The following KANK4 variants were observed in gnomAD, a reference collection of about 807,000 sequenced individuals.
The protein encoded by KANK4 is KN motif and ankyrin repeat domain-containing protein 4.
A neutral mutation model predicts 80.8 loss-of-function variants in KANK4; 50 were observed. That is an observed-to-expected ratio of 0.62 (90% confidence interval 0.49 to 0.78). The LOEUF is 0.78. Ranked by LOEUF, KANK4 falls within the 30% of genes least tolerant of loss-of-function variation. The probability of loss-of-function intolerance (pLI) is 0.00; values close to 1 mark genes in which losing one functional copy is unlikely to be tolerated. For missense variants in KANK4, 1,196 were observed against 1,240.1 expected (o/e 0.96, Z 0.53); for synonymous variants, 465 against 506.9 (o/e 0.92, Z 1.11).
In KANK4 at chr1:62,258,990, AG is replaced by A. The variant is rs1334702049; in HGVS notation, c.2539+4101del. Among the ~76,000 whole-genome samples the A allele has an allele frequency of 2.6e-5, 4 of 152,136 alleles. No homozygotes were observed. In the East Asian group the frequency reaches 7.8e-4, roughly 30 times the overall value. ...AGTGAGGCCAGCGTGGCTGGAGTGGAGGGAAGGAGGAGAGCGTGGTGGCAGC... is the reference window on the plus strand; with the variant it reads ...AGTGAGGCCAGCGTGGCTGGAGTGGAGGAAGGAGGAGAGCGTGGTGGCAGC... On this transcript the variant is annotated intron_variant, in intron 7 of 9. Transcript: ENST00000371153.
chr1:62,241,876 C>T (rs533773542), intron 9 of KANK4, among the ~76,000 whole-genome samples: 19 of 152,306 alleles, frequency 1.2e-4, no homozygotes, highest in African/African-American at 4.6e-4. Flanking sequence ...GCCACAGGGC[C>T]AGTCCCAGGG....
At chr1:62,302,562 G>T (rs993121609) in intron 1 of KANK4, among the ~76,000 whole-genome samples, 15 of 152,124 alleles carry the variant, frequency 9.9e-5, no homozygotes, top group Admixed American at 2.0e-4. Context: ...AGGAGATAGG[G>T]ATTTGGGCAG....
intron 8 of KANK4, among the ~76,000 whole-genome samples, chr1:62,248,317 G>A (rs1257754506): frequency 6.6e-6 from 1 of 152,172 alleles, no homozygotes; most frequent in East Asian, 1.9e-4. Context: ...TAGTTCTACT[G>A]TTTCCTAATG....
rs1172735863 is a variant in KANK4, at chr1:62,274,398, C to G, written c.706G>C (p.Glu236Gln). Residue 236 changes from glutamate (E) to glutamine (Q), a missense_variant, in exon 3 of 10, where the codon GAG becomes CAG. Transcript: ENST00000371153. Reference protein sequence around the residue: ...ELVQEGAEPPEGVVKVPNHLP... With the variant: ...ELVQEGAEPPQGVVKVPNHLP... ...TGATTTGGAACCTTCACCACACCCT[C>G]TGGAGGCTCAGCTCCCTCCTGGACC... 5 of 1,614,214 alleles carry G rather than the reference C, an allele frequency of 3.1e-6. No individual in the cohort carries two copies. Among genetic ancestry groups the G allele is most frequent in the South Asian group, 1.1e-5 (1 of 91,078 alleles).
chr1:62,317,011 GAAT>G (rs1157471031), intron 1 of KANK4, among the ~76,000 whole-genome samples: 1 of 152,204 alleles, frequency 6.6e-6, no homozygotes, highest in African/African-American at 2.4e-5. Flanking sequence ...GGGTGGGCAA[GAAT>G]AATATTTCAG....
chr1:62,272,034 TGCTCACA>T (rs1672175683), intron 3 of KANK4: 1 of 164,900 alleles, frequency 6.1e-6, no homozygotes, highest in Non-Finnish European at 1.3e-5. Context: ...GATGACACCG[TGCTCACA>T]GTAGATACAC....
At position 62,238,177 on chromosome 1, in the gene KANK4, A is replaced by C; in HGVS notation, c.*100T>G. ...TATTTGACATAGTTTCTTCTCTAGA[A>C]GGGTGGCTCTCTGGCCTGTGACCTC... is the stretch of plus-strand genomic sequence containing the variant. On this transcript the variant is annotated 3_prime_UTR_variant, in exon 10 of 10. Transcript: ENST00000371153. 1 of 715,224 alleles carries C rather than the reference A, an allele frequency of 1.4e-6. No homozygotes were observed. Among genetic ancestry groups the C allele is most frequent in the East Asian group, 2.6e-5 (1 of 38,928 alleles). 44.3% of individuals were successfully genotyped at this position (715,224 alleles called of 1,614,324 possible). A position where few individuals can be genotyped will look rare whatever the true frequency, so the allele number is the denominator to read the frequency against.
chr1:62,262,485 G>A (rs1295978113), intron 7 of KANK4, among the ~76,000 whole-genome samples: 1 of 152,114 alleles, frequency 6.6e-6, no homozygotes, highest in Admixed American at 6.5e-5. Flanking sequence ...GCATTTATAT[G>A]CTATCACAGC....
chr1:62,240,483 A>C (rs1671310175), intron 9 of KANK4, among the ~76,000 whole-genome samples: 1 of 152,156 alleles, frequency 6.6e-6, no homozygotes, highest in South Asian at 2.1e-4. Context: ...CAGCCTGCCC[A>C]ACATGGAGAA....
At chr1:62,317,584 G>T (rs947526180) in intron 1 of KANK4, among the ~76,000 whole-genome samples, 3 of 152,216 alleles carry the variant, frequency 2.0e-5, no homozygotes, top group Admixed American at 6.5e-5. Context: ...GCCAACAGAG[G>T]CTTTCAGTTC....
intron 1 of KANK4, among the ~76,000 whole-genome samples, chr1:62,296,309 C>T (rs926161349): frequency 6.6e-6 from 1 of 152,126 alleles, no homozygotes; most frequent in Non-Finnish European, 1.5e-5. Flanking sequence ...TGGTTCTTCA[C>T]TCCCTCACCT....
intron 1 of KANK4, among the ~76,000 whole-genome samples, chr1:62,303,119 G>A (rs1219235902): frequency 7.9e-5 from 12 of 152,072 alleles, no homozygotes; most frequent in Admixed American, 1.3e-4. Context: ...GGGAACTTAC[G>A]AAGTGTAGAT....
rs11449212 is a variant in KANK4 at position 62,236,593 on chromosome 1, A to ATTTTTT, written c.*1678_*1683dup. On this transcript the variant is annotated 3_prime_UTR_variant, in exon 10 of 10. Transcript: ENST00000371153. ...ATGGCCTTAATGGGTTACAAATTGG[A>ATTTTTT]TTTTTTTTTTTTTTTTTTTTGAGAC... 4.8e-5 allele frequency among the ~76,000 whole-genome samples: 6 copies of ATTTTTT among 124,394 alleles called. No homozygotes were observed. Among genetic ancestry groups the ATTTTTT allele is most frequent in the African/African-American group, 1.2e-4 (4 of 32,246 alleles). The allele number at this position is 124,394 out of a possible 152,430, so 81.6% of individuals were successfully genotyped here.
intron 2 of KANK4, among the ~76,000 whole-genome samples, chr1:62,280,253 C>T (rs1206660811): frequency 1.3e-5 from 2 of 152,174 alleles, no homozygotes; most frequent in African/African-American, 4.8e-5. Context: ...GAAGGCTTGT[C>T]CCTGTTCTGG....
Position 62,269,008 on chromosome 1 carries a change from T to C in KANK4, c.2013-503A>G, listed in dbSNP as rs141118727. 3.4e-3 allele frequency among the ~76,000 whole-genome samples: 511 copies of C among 152,342 alleles called. 1 individual carries two copies. Among genetic ancestry groups the C allele is most frequent in the African/African-American group, 0.012 (501 of 41,586 alleles). On this transcript the variant is annotated intron_variant, in intron 4 of 9. Coordinates refer to ENST00000371153, the MANE Select transcript of KANK4 (RefSeq NM_181712.5). ...TCCCTTCAGACTGCTCCAGCCCAGC[T>C]TGCACTTGGCAAGGCATGAACTCCT...
At chr1:62,294,458 A>T (rs577247530) in intron 1 of KANK4, among the ~76,000 whole-genome samples, 16 of 152,310 alleles carry the variant, frequency 1.1e-4, no homozygotes, top group South Asian at 2.1e-4. Flanking sequence ...AATTCAGCAG[A>T]TGCCTCTGCA....
At chr1:62,252,697 G>T (rs1190658244) in intron 8 of KANK4, among the ~76,000 whole-genome samples, 3 of 152,240 alleles carry the variant, frequency 2.0e-5, no homozygotes, top group Non-Finnish European at 2.9e-5. Context: ...AGGTGCCTGT[G>T]GGCCAAGATC....
chr1:62,299,009 T>C (rs896419030), intron 1 of KANK4, among the ~76,000 whole-genome samples: 4 of 152,018 alleles, frequency 2.6e-5, no homozygotes, highest in African/African-American at 9.7e-5. Flanking sequence ...GTCACAAAGA[T>C]AGTAAAAGGC....
Position 62,299,460 on chromosome 1 carries a change from T to A in KANK4, c.-70-17826A>T, listed in dbSNP as rs201337551. 1.8e-3 allele frequency among the ~76,000 whole-genome samples: 279 copies of A among 152,132 alleles called. 2 individuals carry two copies. Among genetic ancestry groups the A allele is most frequent in the East Asian group, 6.4e-3 (33 of 5,176 alleles). Reference sequence around the variant, plus strand: ...GCTGGTACCTGATGACCCCACAACATGGCACAGTACAGGACCGGGGGTGCA... The same window carrying A: ...GCTGGTACCTGATGACCCCACAACAAGGCACAGTACAGGACCGGGGGTGCA... On this transcript the variant is annotated intron_variant, in intron 1 of 9. Coordinates refer to ENST00000371153, the MANE Select transcript of KANK4 (RefSeq NM_181712.5).
Sources: gnomAD v4.1 joint callset for allele counts (sites outside exome capture counted in the v4.1 genomes callset) on GRCh38, gnomAD v4.1.1 for gene constraint, MANE v1.5 for transcripts, NCBI Gene and HGNC (gene_info 2026-07-23, HGNC 2026-07-21) for gene names.